Variants in MACF1 observed in about 807,000 individuals in gnomAD.
MACF1 encodes microtubule-actin cross-linking factor 1.
In MACF1, 193 loss-of-function variants were observed where a neutral mutation model predicts 854.8. The observed-to-expected ratio is 0.23, with a 90% confidence interval of 0.20 to 0.25. MACF1 has a LOEUF of 0.25. Ranked by LOEUF, MACF1 falls within the 10% of genes least tolerant of loss-of-function variation. The probability of loss-of-function intolerance (pLI) is 1.00; values close to 1 mark genes in which losing one functional copy is unlikely to be tolerated. For missense variants in MACF1, 7,722 were observed against 8,929.1 expected (o/e 0.86, Z 5.45); for synonymous variants, 3,185 against 3,226.7 (o/e 0.99, Z 0.44).
At chr1:39,210,097 A>G (rs1483174341) in intron 1 of MACF1, among the ~76,000 whole-genome samples, 1 of 151,706 alleles carries the variant, frequency 6.6e-6, no homozygotes, top group South Asian at 2.1e-4. Flanking sequence ...CTCAGGAGAA[A>G]AAAAAAAAAA....
chr1:39,251,252 G>A (rs914813712), intron 3 of MACF1, among the ~76,000 whole-genome samples: 1 of 151,858 alleles, frequency 6.6e-6, no homozygotes, highest in East Asian at 1.9e-4. Context: ...TAGCATAGCC[G>A]GCACATTTAA....
chr1:39,346,381 A>T (rs761433968), intron 40 of MACF1, among the ~76,000 whole-genome samples: 4 of 152,052 alleles, frequency 2.6e-5, no homozygotes, highest in Admixed American at 6.6e-5. Context: ...AAATTCACAG[A>T]TATTTTGGAT....
At chr1:39,470,126 G>A (rs1644748592) in intron 97 of MACF1, among the ~76,000 whole-genome samples, 1 of 152,060 alleles carries the variant, frequency 6.6e-6, no homozygotes, top group Non-Finnish European at 1.5e-5. Flanking sequence ...AATTATTAAG[G>A]TTTATTTATA....
intron 95 of MACF1, among the ~76,000 whole-genome samples, chr1:39,466,135 C>T (rs1384317973): frequency 2.0e-5 from 3 of 152,208 alleles, no homozygotes; most frequent in African/African-American, 7.2e-5. Context: ...TGCCTACTCT[C>T]ACACAGCTAG....
At chr1:39,255,839 T>TG (rs924461994) in intron 5 of MACF1, among the ~76,000 whole-genome samples, 1 of 151,976 alleles carries the variant, frequency 6.6e-6, no homozygotes, top group Non-Finnish European at 1.5e-5. Flanking sequence ...GAAGCTGGGG[T>TG]GGGGGCCTTA....
In MACF1 at chr1:39,428,132, G is replaced by A; in HGVS notation, c.16648G>A (p.Ala5550Thr). Reference protein sequence around the residue: ...EIQDRCCRKAALLDQALSNAR... With the variant: ...EIQDRCCRKATLLDQALSNAR... ...TCAAGACCGCTGTTGTCGGAAGGCA[G>A]CCCTACTTGACCAAGCTCTGTCTAA... is the stretch of plus-strand genomic sequence containing the variant. The change falls in exon 63 of 101, where the codon GCC (alanine) becomes ACC (threonine). Residue 5550 changes from alanine (A) to threonine (T), a missense_variant. Ala to Thr is a moderately conservative substitution (Grantham distance 58, BLOSUM62 0). This residue lies in a region of MACF1 where 2,807 missense variants were observed against 3,235.8 expected (regional missense o/e 0.87). Transcript: ENST00000564288. 2 of 1,614,212 alleles carry A rather than the reference G, an allele frequency of 1.2e-6. No homozygotes were observed. Among genetic ancestry groups the A allele is most frequent in the Non-Finnish European group, 1.7e-6 (2 of 1,180,042 alleles).
At chr1:39,402,167 G>A (rs1232679310) in intron 58 of MACF1, among the ~76,000 whole-genome samples, 5 of 152,146 alleles carry the variant, frequency 3.3e-5, no homozygotes, top group Admixed American at 2.6e-4. Flanking sequence ...AGCCAAGATC[G>A]CACCATTGCA....
At chr1:39,382,290 G>A in intron 56 of MACF1, 138 bp downstream of exon 56, 1 of 776,756 alleles carries the variant, frequency 1.3e-6, no homozygotes, top group Middle Eastern at 2.4e-4. Context: ...TATTTATAAG[G>A]TGTTAATCAT....
chr1:39,452,420 G>A, intron 86 of MACF1, 70 bp downstream of exon 86: 1 of 1,456,936 alleles, frequency 6.9e-7, no homozygotes, highest in Non-Finnish European at 9.3e-7. Context: ...TCTTTTACTA[G>A]AATCTGTTCC....
intron 2 of MACF1, among the ~76,000 whole-genome samples, chr1:39,194,338 T>A (rs1644291566): frequency 1.5e-5 from 1 of 67,942 alleles, no homozygotes; most frequent in South Asian, 3.6e-4. Flanking sequence ...TTTCTTTTCT[T>A]TTCTTTTCTT....
At chr1:39,337,431 A>G (rs766368162) in intron 38 of MACF1, 100 bp downstream of exon 38, 50 of 1,177,004 alleles carry the variant, frequency 4.2e-5, no homozygotes, top group Non-Finnish European at 5.8e-5. Flanking sequence ...CTTGCACTCT[A>G]TTCTAGGGTA....
intron 97 of MACF1, among the ~76,000 whole-genome samples, chr1:39,478,719 G>A (rs783829): frequency 0.94 from 142,744 of 152,278 alleles, 66,954 homozygotes; most frequent in East Asian, 1. Context: ...CAGATGAGAA[G>A]GTGGACAAAA....
chr1:39,249,398 A>C (rs1393181311), intron 2 of MACF1, among the ~76,000 whole-genome samples: 1 of 152,206 alleles, frequency 6.6e-6, no homozygotes, highest in Non-Finnish European at 1.5e-5. Context: ...GAGATGTGAG[A>C]GATAGATAAC....
intron 37 of MACF1, 41 bp downstream of exon 37, chr1:39,336,694 A>G (rs1185956972): frequency 1.3e-6 from 2 of 1,517,712 alleles, no homozygotes; most frequent in East Asian, 2.3e-5. Flanking sequence ...TAAAGATACA[A>G]TTAGTTTAAT....
intron 1 of MACF1, among the ~76,000 whole-genome samples, chr1:39,212,715 G>A (rs1234313581): frequency 6.6e-6 from 1 of 152,098 alleles, no homozygotes; most frequent in Non-Finnish European, 1.5e-5. Context: ...CTCTGCCTCT[G>A]GAGTTCAAGT....
intron 61 of MACF1, among the ~76,000 whole-genome samples, chr1:39,425,172 C>T (rs939767557): frequency 6.6e-6 from 1 of 151,806 alleles, no homozygotes; most frequent in East Asian, 1.9e-4. Context: ...TTAATTTCTC[C>T]TTTGTGCCCA....
chr1:39,305,792 A>G (rs1277861583), intron 23 of MACF1, among the ~76,000 whole-genome samples: 1 of 152,130 alleles, frequency 6.6e-6, no homozygotes, highest in Non-Finnish European at 1.5e-5. Context: ...CACAGACAGC[A>G]TATTCTTGCC....
At chr1:39,299,626 T>G (rs1645999928) in intron 21 of MACF1, among the ~76,000 whole-genome samples, 1 of 152,190 alleles carries the variant, frequency 6.6e-6, no homozygotes, top group Non-Finnish European at 1.5e-5. Context: ...CCCTAAATCA[T>G]TTGTCATGAT....
At chr1:39,314,627 C>A (rs1003969322) in intron 26 of MACF1, among the ~76,000 whole-genome samples, 7 of 149,842 alleles carry the variant, frequency 4.7e-5, no homozygotes, top group Non-Finnish European at 1.0e-4. Context: ...ATGTATTTGT[C>A]TCCCCATCCA....
Sources: gnomAD v4.1 joint callset for allele counts (sites outside exome capture counted in the v4.1 genomes callset) on GRCh38, gnomAD v4.1.1 for gene constraint, gnomAD v4.1.1 regional missense constraint, MANE v1.5 for transcripts, NCBI Gene and HGNC (gene_info 2026-07-23, HGNC 2026-07-21) for gene names.